The following GLIS1 variants were observed in gnomAD, a reference collection of about 807,000 sequenced individuals.
The protein encoded by GLIS1 is zinc finger protein GLIS1.
GLIS1 carries 24 observed loss-of-function variants against 63.8 expected under a neutral mutation model. The ratio of observed to expected loss-of-function variants is 0.38; its 90% confidence interval spans 0.27 to 0.53. The LOEUF (loss-of-function observed/expected upper bound fraction) is 0.53, where lower values mean the gene tolerates loss of function less well. Among genes scored for constraint, GLIS1 ranks in the 20% least tolerant of loss-of-function variants. The probability of loss-of-function intolerance (pLI) is 0.85; values close to 1 mark genes in which losing one functional copy is unlikely to be tolerated. For synonymous variants in GLIS1, 450 were observed against 482.5 expected, an observed-to-expected ratio of 0.93 and a Z score of 0.88; for missense variants, 1,036 against 1,074.1, an observed-to-expected ratio of 0.96 and a Z score of 0.50.
At chr1:53,528,755 C>T (rs1231778195) in intron 5 of GLIS1, among the ~76,000 whole-genome samples, 1 of 152,114 alleles carries the variant, frequency 6.6e-6, no homozygotes, top group African/African-American at 2.4e-5. Flanking sequence ...CCCCTGTTTC[C>T]TCCTCATCTG....
chr1:53,577,129 CT>C (rs1645039670), intron 4 of GLIS1, among the ~76,000 whole-genome samples: 1 of 151,404 alleles, frequency 6.6e-6, no homozygotes, highest in African/African-American at 2.4e-5. Flanking sequence ...CTCCTCCAGC[CT>C]CCCCCCCCTC....
intron 2 of GLIS1, among the ~76,000 whole-genome samples, chr1:53,707,543 G>A (rs974958357): frequency 1.3e-5 from 2 of 151,950 alleles, no homozygotes; most frequent in Admixed American, 1.3e-4. Flanking sequence ...CCAGCTACTC[G>A]GGAGACTGAG....
chr1:53,612,389 G>A (rs1217643056), intron 2 of GLIS1, among the ~76,000 whole-genome samples: 2 of 151,842 alleles, frequency 1.3e-5, no homozygotes, highest in African/African-American at 2.4e-5. Context: ...ACAGGTGCCC[G>A]CCACCACATC....
intron 10 of GLIS1, among the ~76,000 whole-genome samples, chr1:53,508,338 G>C (rs146239233): frequency 6.6e-6 from 1 of 152,304 alleles, no homozygotes; most frequent in Admixed American, 6.5e-5. Context: ...CTCAGTGCTT[G>C]TCCCTATATA....
At chr1:53,658,730 C>T (rs1015823733) in intron 2 of GLIS1, among the ~76,000 whole-genome samples, 2 of 152,192 alleles carry the variant, frequency 1.3e-5, no homozygotes, top group Admixed American at 1.3e-4. Flanking sequence ...GGCTCCCTGT[C>T]AGCCACTCAC....
intron 4 of GLIS1, among the ~76,000 whole-genome samples, chr1:53,570,019 A>C (rs1644969907): frequency 1.3e-5 from 2 of 152,192 alleles, no homozygotes; most frequent in African/African-American, 4.8e-5. Context: ...TGATCTATAG[A>C]GTAAATGGAA....
rs1326197915 is a variant in GLIS1, at chr1:53,506,330, C to T, written c.*289G>A. On this transcript the variant is annotated 3_prime_UTR_variant, in exon 11 of 11. Coordinates refer to ENST00000628545, the MANE Select transcript of GLIS1 (RefSeq NM_001367484.1). Reference sequence around the variant, plus strand: ...ACAAGTTCTGCATATTTTATATACACGAGGTCTGTGATTTCAAAACCACTG... The same window carrying T: ...ACAAGTTCTGCATATTTTATATACATGAGGTCTGTGATTTCAAAACCACTG... The T allele has an allele frequency of 1.6e-5, 7 of 434,104 alleles. No individual in the cohort carries two copies. Among genetic ancestry groups the T allele is most frequent in the South Asian group, 5.8e-5 (1 of 17,346 alleles). 26.9% of individuals were successfully genotyped at this position (434,104 alleles called of 1,614,324 possible).
chr1:53,594,430 C>G lies in GLIS1; in HGVS notation c.998G>C (p.Gly333Ala). 6.2e-7 allele frequency: 1 copy of G among 1,612,882 alleles called. No individual in the cohort carries two copies. Among genetic ancestry groups the G allele is most frequent in the South Asian group, 1.1e-5 (1 of 91,082 alleles). ...EPADEFSELF[G>A]PHQQGLPPPY... ...GGGCGGCAGGCCCTGCTGGTGAGGCCCAAAGAGCTCTGAAAACTCATCCGC... is the reference window on the plus strand; with the variant it reads ...GGGCGGCAGGCCCTGCTGGTGAGGCGCAAAGAGCTCTGAAAACTCATCCGC... Residue 333 changes from glycine (G) to alanine (A), a missense_variant, in exon 4 of 11, where the codon GGG (glycine) becomes GCG (alanine). Transcript: ENST00000628545.
chr1:53,552,864 A>G lies in GLIS1; in HGVS notation c.1321-22912T>C, dbSNP rs185970589. 1.1e-4 allele frequency among the ~76,000 whole-genome samples: 16 copies of G among 152,364 alleles called. No individual in the cohort carries two copies. In the East Asian group the frequency reaches 2.7e-3, roughly 26 times the overall value. ...AGACTAACTACCTCAGTGACAGAAA[A>G]GGAGACTCCCATGAAATCAGCCCAT... On this transcript the variant is annotated intron_variant, in intron 4 of 10. Transcript: ENST00000628545.
rs546913964 is a variant in GLIS1, at chr1:53,545,999, T to C, written c.1321-16047A>G. Among the ~76,000 whole-genome samples, 4 of 152,312 alleles carry C rather than the reference T, an allele frequency of 2.6e-5. No homozygotes were observed. The South Asian group carries it at 6.2e-4, about 24-fold the overall frequency. ...AACACGATGGCTTCCAGAGGGGATC[T>C]GAGGATTAAGGAAGACATGGATGGG... On this transcript the variant is annotated intron_variant, in intron 4 of 10. Coordinates refer to ENST00000628545, the MANE Select transcript of GLIS1 (RefSeq NM_001367484.1).
rs777036352 is a variant in GLIS1, at chr1:53,509,172, G to T, written c.2178C>A (p.Asn726Lys). The change falls in exon 10 of 11, where the codon AAC (asparagine) becomes AAA (lysine). Residue 726 changes from asparagine (N) to lysine (K), a missense_variant. Around this residue, in one of 3 missense-constraint regions of GLIS1, gnomAD observed 400 missense variants for 400.9 expected, o/e 1.00. Transcript: ENST00000628545. ...TGTGGTAGCCATTGGGCCGCAGGGG[G>T]TTGAAACCGTGGGTCTCCCCGACCA... ...DGLVGETHGF[N>K]PLRPNGYHSL... 6.2e-7 allele frequency: 1 copy of T among 1,601,546 alleles called. No individual in the cohort carries two copies. Among genetic ancestry groups the T allele is most frequent in the South Asian group, 1.1e-5 (1 of 88,710 alleles).
At chr1:53,576,891 T>C (rs1645037086) in intron 4 of GLIS1, among the ~76,000 whole-genome samples, 1 of 151,980 alleles carries the variant, frequency 6.6e-6, no homozygotes, top group Non-Finnish European at 1.5e-5. Context: ...TGCCCTTTTC[T>C]CCTCCAGCCC....
chr1:53,518,791 C>G (rs763208228), intron 7 of GLIS1, among the ~76,000 whole-genome samples: 2 of 152,204 alleles, frequency 1.3e-5, no homozygotes, highest in Admixed American at 6.5e-5. Flanking sequence ...TTTGTGAAGT[C>G]AGTGGCCCAA....
intron 2 of GLIS1, chr1:53,734,234 A>G: frequency 3.1e-6 from 3 of 977,456 alleles, no homozygotes; most frequent in Non-Finnish European, 3.6e-6. Flanking sequence ...TGTAAATTAA[A>G]TAGTGACCTC....
chr1:53,608,473 C>A (rs962947515), intron 2 of GLIS1, among the ~76,000 whole-genome samples: 25 of 152,264 alleles, frequency 1.6e-4, no homozygotes, highest in African/African-American at 5.8e-4. Flanking sequence ...CTAGTAGGAT[C>A]CCATATTTCC....
intron 4 of GLIS1, among the ~76,000 whole-genome samples, chr1:53,542,329 G>A (rs1038047607): frequency 6.6e-6 from 1 of 152,258 alleles, no homozygotes; most frequent in African/African-American, 2.4e-5. Flanking sequence ...ATCCCAGGCC[G>A]CAGGGCCGAA....
At chr1:53,519,618 A>G (rs543008653) in intron 7 of GLIS1, among the ~76,000 whole-genome samples, 2 of 152,192 alleles carry the variant, frequency 1.3e-5, no homozygotes, top group East Asian at 1.9e-4. Context: ...CCACAAAGCC[A>G]GGAATTCCTG....
At chr1:53,726,131 G>A (rs1051751939) in intron 2 of GLIS1, among the ~76,000 whole-genome samples, 7 of 152,170 alleles carry the variant, frequency 4.6e-5, no homozygotes, top group African/African-American at 1.7e-4. Context: ...AAGGAAGGAC[G>A]GGTTAATTCT....
intron 2 of GLIS1, among the ~76,000 whole-genome samples, chr1:53,606,926 C>G (rs1211610545): frequency 6.6e-6 from 1 of 152,162 alleles, no homozygotes; most frequent in East Asian, 1.9e-4. Flanking sequence ...CTCAGGACGG[C>G]GCCGCGGAGA....
Sources: gnomAD v4.1 joint callset for allele counts (sites outside exome capture counted in the v4.1 genomes callset) on GRCh38, gnomAD v4.1.1 for gene constraint, gnomAD v4.1.1 regional missense constraint, MANE v1.5 for transcripts, NCBI Gene and HGNC (gene_info 2026-07-23, HGNC 2026-07-21) for gene names.